GLIS3: variants seen among roughly 807,000 people sequenced by gnomAD.
GLIS3 encodes the protein zinc finger protein GLIS3.
In GLIS3, 53 loss-of-function variants were observed where a neutral mutation model predicts 78.6. The ratio of observed to expected loss-of-function variants is 0.67; its 90% CI spans 0.54 to 0.85. The LOEUF (loss-of-function observed/expected upper bound fraction) is 0.85, where lower values mean the gene tolerates loss of function less well. Among genes scored for constraint, GLIS3 ranks in the 40% least tolerant of loss-of-function variants. The probability of loss-of-function intolerance (pLI) is 0.00; values close to 1 mark genes in which losing one functional copy is unlikely to be tolerated. For synonymous variants in GLIS3, 684 were observed against 509.9 expected (o/e 1.34, Z -4.60); for missense variants, 1,703 against 1,231.1 (o/e 1.38, Z -5.74).
chr9:4,109,263 C>A (rs375806267), intron 4 of GLIS3, among the ~76,000 whole-genome samples: 45 of 152,318 alleles, frequency 3.0e-4, no homozygotes, highest in African/African-American at 1.1e-3. Context: ...ACTCTCTTTA[C>A]AGATTATAAA....
chr9:3,904,233 C>T (rs774750979), intron 6 of GLIS3, among the ~76,000 whole-genome samples: 1 of 152,222 alleles, frequency 6.6e-6, no homozygotes, highest in Non-Finnish European at 1.5e-5. Flanking sequence ...TTAACATCTA[C>T]AGTCAGTTGA....
upstream of GLIS3, among the ~76,000 whole-genome samples, chr9:4,302,867 T>C (rs1450482817): frequency 1.3e-5 from 2 of 152,278 alleles, no homozygotes; most frequent in African/African-American, 2.4e-5. Context: ...CAATGTGACA[T>C]GGAGTAGCTT....
intron 4 of GLIS3, among the ~76,000 whole-genome samples, chr9:4,083,436 C>G (rs918349122): frequency 2.6e-5 from 4 of 152,010 alleles, no homozygotes; most frequent in Non-Finnish European, 5.9e-5. Flanking sequence ...AGCTCCCAGC[C>G]TTGAATTTGT....
chr9:4,022,728 T>C (rs1359587721), intron 4 of GLIS3, among the ~76,000 whole-genome samples: 1 of 152,192 alleles, frequency 6.6e-6, no homozygotes, highest in Non-Finnish European at 1.5e-5. Flanking sequence ...TGAAACAGTA[T>C]TCCACAAGGT....
intron 7 of GLIS3, among the ~76,000 whole-genome samples, chr9:3,881,119 A>G (rs1451646566): frequency 6.6e-6 from 1 of 152,172 alleles, no homozygotes; most frequent in Non-Finnish European, 1.5e-5. Flanking sequence ...TGTATTCCAA[A>G]TAATAATTTT....
the GLIS3 span, among the ~76,000 whole-genome samples, chr9:4,472,505 G>A: frequency 6.6e-6 from 1 of 151,786 alleles, no homozygotes; most frequent in Non-Finnish European, 1.5e-5. Context: ...ACTATCACAA[G>A]GACAGAAAAA....
At chr9:3,936,687 C>A (rs1825915809) in intron 5 of GLIS3, among the ~76,000 whole-genome samples, 1 of 152,124 alleles carries the variant, frequency 6.6e-6, no homozygotes, top group Admixed American at 6.5e-5. Context: ...GACTTGATAT[C>A]TCAATACTGT....
chr9:4,209,410 G>C (rs970781909), intron 2 of GLIS3, among the ~76,000 whole-genome samples: 2 of 152,102 alleles, frequency 1.3e-5, no homozygotes, highest in African/African-American at 4.8e-5. Context: ...TAAACGTCTT[G>C]GAATCTGTAC....
intron 2 of GLIS3, chr9:4,152,092 AT>A: frequency 1.0e-6 from 1 of 974,440 alleles, no homozygotes; most frequent in Non-Finnish European, 1.2e-6. Flanking sequence ...GTAACACAAT[AT>A]TTTTCTACGG....
intron 2 of GLIS3, among the ~76,000 whole-genome samples, chr9:4,196,744 G>C (rs1361791531): frequency 6.6e-6 from 1 of 152,148 alleles, no homozygotes; most frequent in African/African-American, 2.4e-5. Flanking sequence ...TCACCGTGAG[G>C]GTCCGCAGCT....
intron 2 of GLIS3, among the ~76,000 whole-genome samples, chr9:4,273,590 C>CATGAATAA (rs1826715642): frequency 6.9e-6 from 1 of 144,084 alleles, no homozygotes; most frequent in African/African-American, 2.6e-5. Flanking sequence ...AAGACCTTAT[C>CATGAATAA]ATAAATAAAT....
chr9:4,397,989 C>T, the GLIS3 span, among the ~76,000 whole-genome samples: 1 of 152,100 alleles, frequency 6.6e-6, no homozygotes, highest in Non-Finnish European at 1.5e-5. Flanking sequence ...CCATTCTGTT[C>T]TGCCCTCAAA....
chr9:4,283,858 G>C (rs933721346), intron 2 of GLIS3, among the ~76,000 whole-genome samples: 1 of 152,208 alleles, frequency 6.6e-6, no homozygotes, highest in Admixed American at 6.5e-5. Context: ...CAAAGCTAGA[G>C]GTGATAATAA....
intron 2 of GLIS3, among the ~76,000 whole-genome samples, chr9:4,328,398 G>C (rs971716140): frequency 2.0e-5 from 3 of 152,138 alleles, no homozygotes; most frequent in South Asian, 2.1e-4. Context: ...GGCTCAGAGA[G>C]TCAGGAAAAC....
chr9:4,468,181 G>A, the GLIS3 span, among the ~76,000 whole-genome samples: 1 of 152,224 alleles, frequency 6.6e-6, no homozygotes, highest in Admixed American at 6.5e-5. Context: ...AAAGTGACGG[G>A]CAGAGTGGAA....
At chr9:4,364,448 T>C in the GLIS3 span, among the ~76,000 whole-genome samples, 5 of 152,166 alleles carry the variant, frequency 3.3e-5, no homozygotes, top group Non-Finnish European at 5.9e-5. Context: ...CAATAAATGA[T>C]AATATTTTCA....
chr9:4,181,086 G>C (rs1370616423), intron 2 of GLIS3, among the ~76,000 whole-genome samples: 3 of 152,226 alleles, frequency 2.0e-5, no homozygotes, highest in Non-Finnish European at 2.9e-5. Context: ...CGTACTCTAA[G>C]ATGAGCAGAT....
intron 4 of GLIS3, among the ~76,000 whole-genome samples, chr9:4,057,047 C>T (rs986027284): frequency 2.6e-5 from 4 of 151,968 alleles, no homozygotes; most frequent in African/African-American, 9.7e-5. Flanking sequence ...ATGCATCTCC[C>T]ACCACAACTA....
intron 2 of GLIS3, among the ~76,000 whole-genome samples, chr9:4,321,302 G>A (rs1428740087): frequency 1.5e-5 from 2 of 130,780 alleles, no homozygotes; most frequent in African/African-American, 7.4e-5. Flanking sequence ...GGCGCCTGTA[G>A]TCCCAGCTAC....
Sources: gnomAD v4.1 joint callset for allele counts (sites outside exome capture counted in the v4.1 genomes callset) on GRCh38, gnomAD v4.1.1 for gene constraint, MANE v1.5 for transcripts, NCBI Gene and HGNC (gene_info 2026-07-23, HGNC 2026-07-21) for gene names.